Variants in HDAC9 observed in about 807,000 individuals in gnomAD.
The protein encoded by HDAC9 is MEF-2 interacting transcription repressor (MITR) protein.
A neutral mutation model predicts 139.4 loss-of-function variants in HDAC9; 41 were observed. The ratio of observed to expected loss-of-function variants is 0.29; its 90% CI spans 0.23 to 0.38. HDAC9 has a LOEUF of 0.38. Among genes scored for constraint, HDAC9 ranks in the 10% least tolerant of loss-of-function variants. The pLI is 1.00. For synonymous variants in HDAC9, 517 were observed against 476.2 expected (o/e 1.09, Z -1.12); for missense variants, 1,147 against 1,297.0 (o/e 0.88, Z 1.78).
chr7:18,800,025 A>T (rs2129183172), intron 17 of HDAC9, among the ~76,000 whole-genome samples: 1 of 152,240 alleles, frequency 6.6e-6, no homozygotes, highest in Non-Finnish European at 1.5e-5. Flanking sequence ...AAGAGAAGCA[A>T]CTCATCACCT....
At chr7:18,947,061 G>A (rs1341907667) in intron 23 of HDAC9, among the ~76,000 whole-genome samples, 2 of 151,812 alleles carry the variant, frequency 1.3e-5, no homozygotes, top group Admixed American at 6.6e-5. Flanking sequence ...TGAAATACTA[G>A]AAAGTATTCT....
intron 12 of HDAC9, among the ~76,000 whole-genome samples, chr7:18,690,872 A>G (rs1182264948): frequency 6.6e-6 from 1 of 152,022 alleles, no homozygotes; most frequent in African/African-American, 2.4e-5. Flanking sequence ...AATGTCCTTT[A>G]TGGAATTTGC....
intron 6 of HDAC9, among the ~76,000 whole-genome samples, chr7:18,616,851 C>A (rs958590514): frequency 6.6e-6 from 1 of 152,072 alleles, no homozygotes; most frequent in African/African-American, 2.4e-5. Flanking sequence ...ATCTGAGGGG[C>A]TGTGAAGAGT....
intron 24 of HDAC9, among the ~76,000 whole-genome samples, chr7:18,964,623 CAG>C (rs2129330730): frequency 6.6e-6 from 1 of 152,282 alleles, no homozygotes; most frequent in East Asian, 1.9e-4. Flanking sequence ...TTAATTGACT[CAG>C]AGTTCCATAG....
chr7:18,529,785 C>G (rs986065884), intron 2 of HDAC9, among the ~76,000 whole-genome samples: 3 of 151,984 alleles, frequency 2.0e-5, no homozygotes, highest in Admixed American at 2.0e-4. Context: ...CTTTATTGCA[C>G]CAATTTTTTT....
intron 22 of HDAC9, among the ~76,000 whole-genome samples, chr7:18,880,109 AC>A (rs1173432540): frequency 1.3e-5 from 2 of 152,184 alleles, no homozygotes; most frequent in East Asian, 1.9e-4. Flanking sequence ...ACAATGAGAT[AC>A]CATCTCACAC....
chr7:18,559,281 T>G (rs569367887), intron 2 of HDAC9, among the ~76,000 whole-genome samples: 3 of 152,150 alleles, frequency 2.0e-5, no homozygotes, highest in East Asian at 3.9e-4. Flanking sequence ...ACCCACACAA[T>G]ACATACACAC....
At chr7:18,446,594 C>G (rs1010847759) in intron 1 of HDAC9, among the ~76,000 whole-genome samples, 1 of 152,112 alleles carries the variant, frequency 6.6e-6, no homozygotes, top group African/African-American at 2.4e-5. Context: ...AAAAGTGAAA[C>G]TGTCTTTCTG....
At chr7:18,969,941 C>G (rs1262062824) in intron 24 of HDAC9, among the ~76,000 whole-genome samples, 1 of 152,158 alleles carries the variant, frequency 6.6e-6, no homozygotes, top group Non-Finnish European at 1.5e-5. Context: ...AATAGTTACT[C>G]ATTTCAGTAT....
chr7:18,683,456 A>C (rs1782034130), intron 12 of HDAC9, among the ~76,000 whole-genome samples: 1 of 152,062 alleles, frequency 6.6e-6, no homozygotes, highest in African/African-American at 2.4e-5. Flanking sequence ...ACTTCTGAGC[A>C]GAACCCACAG....
intron 2 of HDAC9, among the ~76,000 whole-genome samples, chr7:18,175,188 C>T (rs1219885897): frequency 1.3e-5 from 2 of 152,160 alleles, no homozygotes; most frequent in African/African-American, 4.8e-5. Flanking sequence ...CCCTGCCAGG[C>T]TGCTGCCTTG....
chr7:18,366,811 T>C (rs976267317), intron 1 of HDAC9, among the ~76,000 whole-genome samples: 1 of 152,074 alleles, frequency 6.6e-6, no homozygotes, highest in Non-Finnish European at 1.5e-5. Context: ...TTCAAATGTA[T>C]TGACTCTCCT....
chr7:18,131,417 C>T, intron 1 of HDAC9, among the ~76,000 whole-genome samples: 1 of 152,224 alleles, frequency 6.6e-6, no homozygotes, highest in South Asian at 2.1e-4. Flanking sequence ...AGTTTAGTAG[C>T]ACTAATCAGA....
chr7:18,331,950 G>A (rs916296491), intron 1 of HDAC9, among the ~76,000 whole-genome samples: 2 of 151,548 alleles, frequency 1.3e-5, no homozygotes, highest in Non-Finnish European at 3.0e-5. Context: ...GGAAAAGGAG[G>A]CCTAGAGAAG....
chr7:18,162,871 T>G (rs573447033), intron 2 of HDAC9, among the ~76,000 whole-genome samples: 2 of 152,250 alleles, frequency 1.3e-5, no homozygotes, highest in African/African-American at 4.8e-5. Flanking sequence ...CCTATTCCAG[T>G]GATGTGTGCT....
chr7:18,466,606 C>G (rs1449891188), intron 1 of HDAC9, among the ~76,000 whole-genome samples: 1 of 152,222 alleles, frequency 6.6e-6, no homozygotes, highest in Non-Finnish European at 1.5e-5. Context: ...ACTCCTCTGA[C>G]TTCCTCTCCT....
chr7:18,368,819 T>A (rs927001405), intron 1 of HDAC9, among the ~76,000 whole-genome samples: 1 of 152,110 alleles, frequency 6.6e-6, no homozygotes, highest in Admixed American at 6.6e-5. Context: ...AATGCCTCTC[T>A]GTGGTGCCCC....
At chr7:18,206,930 CTT>C (rs58248823) in intron 2 of HDAC9, among the ~76,000 whole-genome samples, 209 of 124,484 alleles carry the variant, frequency 1.7e-3, no homozygotes, top group South Asian at 3.4e-3. Context: ...GATATCTTTT[CTT>C]TTTTTTTTTT....
At chr7:18,567,709 C>G (rs907551370) in intron 2 of HDAC9, among the ~76,000 whole-genome samples, 58 of 151,918 alleles carry the variant, frequency 3.8e-4, no homozygotes, top group Non-Finnish European at 8.2e-4. Context: ...TAAACAATAC[C>G]TAACTACCAG....
Sources: gnomAD v4.1 joint callset for allele counts (sites outside exome capture counted in the v4.1 genomes callset) on GRCh38, gnomAD v4.1.1 for gene constraint, MANE v1.5 for transcripts, NCBI Gene and HGNC (gene_info 2026-07-23, HGNC 2026-07-21) for gene names.